ZNF454: variants seen among roughly 807,000 people sequenced by gnomAD.
ZNF454 encodes zinc finger protein 454.
A neutral mutation model predicts 48.2 loss-of-function variants in ZNF454; 30 were observed. The ratio of observed to expected loss-of-function variants is 0.62; its 90% CI spans 0.47 to 0.84. ZNF454 has a LOEUF of 0.84. Ranked by LOEUF, ZNF454 falls within the 40% of genes least tolerant of loss-of-function variation. ZNF454 has a pLI of 0.00. For synonymous variants in ZNF454, 204 were observed against 211.4 expected, an observed-to-expected ratio of 0.97 and a Z score of 0.30; for missense variants, 510 against 623.1, an observed-to-expected ratio of 0.82 and a Z score of 1.93.
chr5:178,959,050 A>C (rs2113254489), intron 4 of ZNF454, among the ~76,000 whole-genome samples: 1 of 151,926 alleles, frequency 6.6e-6, no homozygotes, highest in East Asian at 1.9e-4. Context: ...CCTATGGTTA[A>C]CGCTTGTTGT....
intron 4 of ZNF454, chr5:178,956,983 A>C: frequency 4.6e-6 from 1 of 216,586 alleles, no homozygotes; most frequent in South Asian, 5.1e-5. Context: ...TCCCGAGTTC[A>C]AGCGATTCTC....
At chr5:178,974,484 A>C in the ZNF454 span, among the ~76,000 whole-genome samples, 1 of 151,998 alleles carries the variant, frequency 6.6e-6, no homozygotes, top group Non-Finnish European at 1.5e-5. Context: ...ATGCCCGGCT[A>C]ATTTTTTGTA....
In ZNF454 at chr5:178,965,517, T is replaced by G. The variant is rs1760119358; in HGVS notation, c.1113T>G (p.Leu371=). ...CGKAFRVNSS[L]TEHQRIHTGE... is the part of the protein sequence containing the mutation. The stretch of plus-strand genomic sequence containing the variant: ...AGGCCTTCAGGGTGAACTCTTCCCT[T>G]ACTGAACATCAGAGAATTCATACTG... Residue 371 remains leucine (L), a synonymous_variant, in exon 5 of 5, where the codon CTT becomes CTG. Coordinates refer to ENST00000519564, the MANE Select transcript of ZNF454 (RefSeq NM_001178089.3). The surrounding 1 kb of genome is among the most constrained non-coding windows in gnomAD (Gnocchi z 5.2). 4.3e-6 allele frequency: 7 copies of G among 1,613,820 alleles called. No individual in the cohort carries two copies. The highest frequency in any genetic ancestry group is 5.9e-6 in the Non-Finnish European group (7 of 1,179,972).
intron 4 of ZNF454, among the ~76,000 whole-genome samples, chr5:178,959,020 C>CTTTTT (rs59427023): frequency 2.0e-5 from 3 of 149,174 alleles, no homozygotes; most frequent in Non-Finnish European, 4.5e-5. Flanking sequence ...CATCAGAGGT[C>CTTTTT]TTTTTTTTTT....
At chr5:178,960,410 A>G (rs1347025243) in intron 4 of ZNF454, among the ~76,000 whole-genome samples, 5 of 151,622 alleles carry the variant, frequency 3.3e-5, no homozygotes, top group African/African-American at 1.2e-4. Flanking sequence ...GGCATGTGCC[A>G]CCACGCCCGG....
the ZNF454 span, among the ~76,000 whole-genome samples, chr5:178,974,513 T>G: frequency 6.6e-6 from 1 of 151,980 alleles, no homozygotes; most frequent in South Asian, 2.1e-4. Context: ...AGAGACGGGG[T>G]TTCACCGTGT....
rs367836309 is a variant in ZNF454 at position 178,965,316 on chromosome 5, T to C, written c.912T>C (p.Ile304=). 79 of 1,613,936 alleles carry C rather than the reference T, an allele frequency of 4.9e-5. No homozygotes were observed. Among genetic ancestry groups the C allele is most frequent in the Middle Eastern group, 1.6e-4 (1 of 6,084 alleles). The change falls in exon 5 of 5, where the codon ATT becomes ATC. Residue 304 remains isoleucine (I), a synonymous_variant. Coordinates refer to ENST00000519564, the MANE Select transcript of ZNF454 (RefSeq NM_001178089.3). This position sits in a 1 kb window ranked among gnomAD's most constrained non-coding sequence, Gnocchi z 5.2. The part of the protein sequence containing the change: ...HTGEKPFKCN[I]CEKAFVCRAH... ...GAGAGAAACCTTTTAAATGTAACAT[T>C]TGTGAAAAAGCCTTTGTGTGCAGGG... is the stretch of plus-strand genomic sequence containing the variant.
the ZNF454 span, among the ~76,000 whole-genome samples, chr5:178,985,938 T>A: frequency 6.6e-6 from 1 of 152,080 alleles, no homozygotes; most frequent in Non-Finnish European, 1.5e-5. Context: ...ATTTTCATAT[T>A]TTTTGCAGAG....
the ZNF454 span, chr5:178,986,992 A>C: frequency 6.2e-7 from 1 of 1,612,812 alleles, no homozygotes; most frequent in South Asian, 1.1e-5. Context: ...GCCTGGAGAG[A>C]GAGTCCGTCA....
chr5:178,983,089 C>G, the ZNF454 span: 2 of 1,614,022 alleles, frequency 1.2e-6, no homozygotes, highest in Middle Eastern at 1.6e-4. Flanking sequence ...CCCAGGCAGC[C>G]GATGAGAGAC....
At chr5:178,957,440 T>TA (rs1298324169) in intron 4 of ZNF454, among the ~76,000 whole-genome samples, 1 of 151,926 alleles carries the variant, frequency 6.6e-6, no homozygotes, top group Non-Finnish European at 1.5e-5. Flanking sequence ...GACGAAGTCT[T>TA]ACTCAGTCGC....
At chr5:178,966,966 T>C (rs1440494327), downstream of ZNF454, among the ~76,000 whole-genome samples, 2 of 151,986 alleles carry the variant, frequency 1.3e-5, no homozygotes, top group East Asian at 1.9e-4. Context: ...CTATGGGGAG[T>C]GTGGTGGTCT....
chr5:178,986,703 C>T, the ZNF454 span: 3 of 1,604,946 alleles, frequency 1.9e-6, no homozygotes, highest in Admixed American at 1.7e-5. Context: ...GCAGGCTGCA[C>T]AGAGACGAGG....
chr5:178,967,528 C>A (rs908829982), downstream of ZNF454, among the ~76,000 whole-genome samples: 29 of 152,144 alleles, frequency 1.9e-4, no homozygotes, highest in Admixed American at 1.6e-3. Flanking sequence ...TGGAAGTGGT[C>A]ATTTCCTCTC....
At chr5:178,986,435 A>T in the ZNF454 span, 1 of 1,613,440 alleles carries the variant, frequency 6.2e-7, no homozygotes, top group Non-Finnish European at 8.5e-7. Context: ...TACCGCACGA[A>T]GGTGGCCACC....
downstream of ZNF454, among the ~76,000 whole-genome samples, chr5:178,970,900 C>T (rs557478030): frequency 6.6e-6 from 1 of 152,166 alleles, no homozygotes; most frequent in African/African-American, 2.4e-5. Flanking sequence ...CAGCCTGGCC[C>T]GAGCCCCCCA....
the ZNF454 span, chr5:178,989,140 C>T: frequency 6.2e-7 from 1 of 1,613,342 alleles, no homozygotes; most frequent in Non-Finnish European, 8.5e-7. Flanking sequence ...CCTCGCCTGT[C>T]CTAGGGATGC....
At chr5:178,955,365 G>A (rs534116331) in intron 4 of ZNF454, among the ~76,000 whole-genome samples, 22 of 152,312 alleles carry the variant, frequency 1.4e-4, no homozygotes, top group African/African-American at 5.1e-4. Context: ...TTAGGTTGAG[G>A]AAGTTTATGC....
rs1483525266 is a variant in ZNF454, at chr5:178,942,953, C to T, written c.33+129C>T. 8 of 1,001,878 alleles carry T rather than the reference C, an allele frequency of 8.0e-6. No homozygotes were observed. In the Admixed American group the frequency reaches 2.1e-4, roughly 26 times the overall value. The allele number at this position is 1,001,878 out of a possible 1,614,324, so 62.1% of individuals were successfully genotyped here. On this transcript the variant is annotated intron_variant, in intron 2 of 4. Transcript: ENST00000519564. ...GACACTGACCTCAGTTGCCTCTCCC[C>T]AACCAACACCCTCCAACCCCGCCCC...
Sources: allele counts gnomAD v4.1 joint callset (sites outside exome capture counted in the v4.1 genomes callset), GRCh38; gene constraint gnomAD v4.1.1; non-coding constraint Gnocchi (gnomAD v3.1); transcripts MANE v1.5; gene names NCBI Gene and HGNC (gene_info 2026-07-23, HGNC 2026-07-21).